The following RASAL2 variants were observed in gnomAD, a reference collection of about 807,000 sequenced individuals.
The protein encoded by RASAL2 is ras GTPase-activating protein nGAP.
Under a neutral mutation model 128.9 loss-of-function variants are expected in RASAL2, and 58 were observed. The observed-to-expected ratio is 0.45, with a 90% CI of 0.36 to 0.56. The LOEUF (loss-of-function observed/expected upper bound fraction) is 0.56. RASAL2 is among the 20% of genes least tolerant of loss of function. The probability of loss-of-function intolerance (pLI) is 0.00; values close to 1 mark genes in which losing one functional copy is unlikely to be tolerated. For synonymous variants in RASAL2, 561 were observed against 580.8 expected, an observed-to-expected ratio of 0.97 and a Z score of 0.49; for missense variants, 1,360 against 1,601.6, an observed-to-expected ratio of 0.85 and a Z score of 2.57.
At chr1:178,269,054 G>A (rs1261035009) in intron 1 of RASAL2, among the ~76,000 whole-genome samples, 4 of 152,154 alleles carry the variant, frequency 2.6e-5, no homozygotes. Flanking sequence ...GCTGTATTTG[G>A]ACATAGGACC....
intron 1 of RASAL2, among the ~76,000 whole-genome samples, chr1:178,236,071 A>G (rs901970928): frequency 1.3e-5 from 2 of 152,058 alleles, no homozygotes; most frequent in Non-Finnish European, 2.9e-5. Flanking sequence ...TTTAATGCTC[A>G]TTTTCCAGAT....
At chr1:178,467,624 G>A (rs1330389759) in intron 17 of RASAL2, among the ~76,000 whole-genome samples, 3 of 152,244 alleles carry the variant, frequency 2.0e-5, no homozygotes, top group African/African-American at 2.4e-5. Context: ...TGTTTACTCA[G>A]CAAAGTATTA....
rs750133864 is a variant in RASAL2 at position 178,307,943 on chromosome 1, C to T, written c.457+7825C>T. ...AGAAAATGCCAAACATTCGTAAATC[C>T]GAGGCTTTCTCAGTCCTCAAACAGA... is the stretch of plus-strand genomic sequence containing the variant. On this transcript the variant is annotated intron_variant, in intron 3 of 17. Coordinates refer to ENST00000367649, the MANE Select transcript of RASAL2 (RefSeq NM_170692.4). Among the ~76,000 whole-genome samples, 30 of 152,236 alleles carry T rather than the reference C, an allele frequency of 2.0e-4. No individual in the cohort carries two copies. The South Asian group carries it at 3.1e-3, about 16-fold the overall frequency.
intron 3 of RASAL2, among the ~76,000 whole-genome samples, chr1:178,351,278 T>C (rs908110844): frequency 2.0e-5 from 3 of 152,220 alleles, no homozygotes; most frequent in African/African-American, 7.2e-5. Flanking sequence ...CCAAATCTCA[T>C]GTTCTTCTCA....
intron 1 of RASAL2, among the ~76,000 whole-genome samples, chr1:178,266,830 A>G (rs2102154838): frequency 6.6e-6 from 1 of 152,286 alleles, no homozygotes. Context: ...GCCTTTTAAT[A>G]TGCAAATGCA....
intron 1 of RASAL2, among the ~76,000 whole-genome samples, chr1:178,150,263 C>T (rs568963215): frequency 3.9e-5 from 6 of 152,134 alleles, no homozygotes; most frequent in South Asian, 4.2e-4. Flanking sequence ...AGCATGATCT[C>T]GGTGCACCGC....
intron 1 of RASAL2, among the ~76,000 whole-genome samples, chr1:178,125,676 TG>T (rs1190595923): frequency 6.6e-6 from 1 of 152,200 alleles, no homozygotes; most frequent in Non-Finnish European, 1.5e-5. Context: ...ACTTAGTAGC[TG>T]GGACTGTCAA....
intron 3 of RASAL2, among the ~76,000 whole-genome samples, chr1:178,369,787 CTACTA>C (rs773067763): frequency 4.6e-5 from 7 of 151,998 alleles, no homozygotes; most frequent in Non-Finnish European, 5.9e-5. Flanking sequence ...AGTTATAAAT[CTACTA>C]TATGCTAGGC....
chr1:178,140,469 T>C (rs969450896), intron 1 of RASAL2, among the ~76,000 whole-genome samples: 5 of 152,224 alleles, frequency 3.3e-5, no homozygotes, highest in African/African-American at 9.6e-5. Context: ...CCTGTGTTTC[T>C]CCTCTTCTTC....
intron 5 of RASAL2, among the ~76,000 whole-genome samples, chr1:178,434,228 G>T (rs1274521434): frequency 2.0e-5 from 3 of 152,064 alleles, no homozygotes; most frequent in Non-Finnish European, 2.9e-5. Flanking sequence ...TTATAACATG[G>T]TACAGTTTCT....
chr1:178,478,083 G>C lies in RASAL2; in HGVS notation c.*4844G>C, dbSNP rs1364974846. ...GTAGTCTTTGCCTGCATTTCAGCAT[G>C]CATTTTCCTTTCCTACTCAGTTGCT... is the stretch of plus-strand genomic sequence containing the variant. On this transcript the variant is annotated 3_prime_UTR_variant, in exon 18 of 18. Coordinates refer to ENST00000367649, the MANE Select transcript of RASAL2 (RefSeq NM_170692.4). 4 of 152,098 alleles carry C rather than the reference G, an allele frequency of 2.6e-5. No individual in the cohort carries two copies. The highest frequency in any genetic ancestry group is 6.6e-5 in the Admixed American group (1 of 15,266). 9.4% of individuals were successfully genotyped at this position (152,098 alleles called of 1,614,324 possible).
intron 4 of RASAL2, among the ~76,000 whole-genome samples, chr1:178,415,469 A>G (rs1674692937): frequency 6.6e-6 from 1 of 152,036 alleles, no homozygotes; most frequent in African/African-American, 2.4e-5. Context: ...ATTTATTAAT[A>G]TGTGTTTTAT....
chr1:178,158,717 C>T (rs1038805526), intron 1 of RASAL2, among the ~76,000 whole-genome samples: 2 of 152,152 alleles, frequency 1.3e-5, no homozygotes, highest in African/African-American at 4.8e-5. Flanking sequence ...TTATTTTGAT[C>T]TCTCATGTTT....
At chr1:178,382,406 A>G (rs1436315217) in intron 3 of RASAL2, among the ~76,000 whole-genome samples, 3 of 152,184 alleles carry the variant, frequency 2.0e-5, no homozygotes, top group African/African-American at 7.2e-5. Flanking sequence ...CCTCAAGAGT[A>G]TGACTTAATT....
rs372074319 is a variant in RASAL2, at chr1:178,148,782, A to T, written c.202+54088A>T. ...CTGAATTAGATTTAGAAATTTGGAG[A>T]GTTGTCCATGGCTACTCAAAGTTGT... On this transcript the variant is annotated intron_variant, in intron 1 of 17. Coordinates refer to ENST00000367649, the MANE Select transcript of RASAL2 (RefSeq NM_170692.4). Among the ~76,000 whole-genome samples the T allele has an allele frequency of 8.5e-4, 129 of 152,298 alleles. 3 individuals are homozygous for T. The South Asian group carries it at 0.026, about 31-fold the overall frequency.
chr1:178,266,563 C>T (rs532878194), intron 1 of RASAL2, among the ~76,000 whole-genome samples: 2 of 152,092 alleles, frequency 1.3e-5, no homozygotes, highest in Admixed American at 6.5e-5. Flanking sequence ...CATGGACACA[C>T]GTGGAGTGGT....
intron 1 of RASAL2, among the ~76,000 whole-genome samples, chr1:178,175,837 T>C (rs745932903): frequency 5.9e-5 from 9 of 152,146 alleles, no homozygotes; most frequent in Non-Finnish European, 1.3e-4. Flanking sequence ...CTTAAAATAA[T>C]TTTCTCCAGT....
intron 3 of RASAL2, among the ~76,000 whole-genome samples, chr1:178,342,820 C>A (rs1669956363): frequency 1.3e-5 from 2 of 152,130 alleles, no homozygotes; most frequent in Non-Finnish European, 2.9e-5. Context: ...GCTTCCTTAT[C>A]CAAGGTCCAT....
intron 1 of RASAL2, among the ~76,000 whole-genome samples, chr1:178,243,918 A>G (rs1422386765): frequency 1.3e-5 from 2 of 151,858 alleles, no homozygotes; most frequent in Admixed American, 6.6e-5. Flanking sequence ...TGTTATTCAT[A>G]TCATTTTCAT....
Sources: allele counts gnomAD v4.1 joint callset (sites outside exome capture counted in the v4.1 genomes callset), GRCh38; gene constraint gnomAD v4.1.1; transcripts MANE v1.5; gene names NCBI Gene and HGNC (gene_info 2026-07-23, HGNC 2026-07-21).